Variants in NUP98 observed in about 807,000 individuals in gnomAD.
NUP98 encodes the protein nucleoporin 98 and 96 precursor, also known as nuclear pore complex protein Nup98-Nup96.
A neutral mutation model predicts 191.9 loss-of-function variants in NUP98; 26 were observed. The ratio of observed to expected loss-of-function variants is 0.14; its 90% confidence interval spans 0.10 to 0.19. NUP98 has a LOEUF of 0.19. Among genes scored for constraint, NUP98 ranks in the 10% least tolerant of loss-of-function variants. The pLI, the probability that NUP98 is intolerant of heterozygous loss-of-function variation, is 1.00. For missense variants in NUP98, 1,941 were observed against 2,178.8 expected (o/e 0.89, Z 2.17); for synonymous variants, 808 against 778.4 (o/e 1.04, Z -0.63).
chr11:3,708,790 G>A (rs1045284279), intron 20 of NUP98, among the ~76,000 whole-genome samples: 2 of 151,888 alleles, frequency 1.3e-5, no homozygotes, highest in East Asian at 3.9e-4. Flanking sequence ...CTACTGGGAG[G>A]TCGATGGAAA....
intron 11 of NUP98, among the ~76,000 whole-genome samples, chr11:3,746,345 G>A (rs1162130260): frequency 6.9e-6 from 1 of 144,030 alleles, no homozygotes; most frequent in Non-Finnish European, 1.5e-5. Context: ...TAAACCATTA[G>A]TAATTAACGC....
rs780191581 is a variant in NUP98, at chr11:3,723,355, T to C, written c.1948A>G (p.Ile650Val). 6.2e-7 allele frequency: 1 copy of C among 1,614,092 alleles called. No homozygotes were observed. The highest frequency in any genetic ancestry group is 1.1e-5 in the South Asian group (1 of 91,082). Residue 650 changes from isoleucine (I) to valine (V), a missense_variant, in exon 16 of 33, where the codon ATT becomes GTT. Physicochemically the swap from Ile to Val is conservative, Grantham distance 29. Around this residue, in one of 6 missense-constraint regions of NUP98, gnomAD observed 453 missense variants for 438.2 expected, o/e 1.03. Coordinates refer to ENST00000324932, the MANE Select transcript of NUP98 (RefSeq NM_016320.5). ...CCAGCACTTTCTGGGGTTTGAGGAA[T>C]AGGTTTGGCAATAGGGTTAGTATAA... ...HFYTNPIAKP[I>V]PQTPESAGNK...
chr11:3,721,243 C>G (rs1010827002), intron 16 of NUP98, among the ~76,000 whole-genome samples: 1 of 151,970 alleles, frequency 6.6e-6, no homozygotes, highest in Non-Finnish European at 1.5e-5. Flanking sequence ...ACAAGGATAC[C>G]AAAACCTACA....
chr11:3,715,561 A>T (rs1196976056), intron 18 of NUP98, among the ~76,000 whole-genome samples: 2 of 151,924 alleles, frequency 1.3e-5, no homozygotes, highest in African/African-American at 4.8e-5. Context: ...ATATCTTTGG[A>T]GAAATGTCGA....
chr11:3,722,709 G>A (rs1345462879), intron 16 of NUP98, among the ~76,000 whole-genome samples: 1 of 152,036 alleles, frequency 6.6e-6, no homozygotes, highest in South Asian at 2.1e-4. Flanking sequence ...CCAGCTACTC[G>A]GGTGGCTGAG....
At chr11:3,692,926 C>A in intron 27 of NUP98, 1 of 241,812 alleles carries the variant, frequency 4.1e-6, no homozygotes, top group Non-Finnish European at 7.9e-6. Context: ...AGGCAAATTT[C>A]AGAACTAAGT....
intron 1 of NUP98, among the ~76,000 whole-genome samples, chr11:3,795,882 T>C (rs1265595127): frequency 6.6e-6 from 1 of 152,200 alleles, no homozygotes; most frequent in African/African-American, 2.4e-5. Context: ...TCTGAGTTTA[T>C]GCTTTGTCAT....
intron 11 of NUP98, 125 bp from the exon 12 acceptor site, chr11:3,744,774 G>A: frequency 9.9e-7 from 1 of 1,012,644 alleles, no homozygotes; most frequent in South Asian, 1.8e-5. Flanking sequence ...TCAACAAAGG[G>A]GTGAATACGG....
chr11:3,790,255 A>G (rs562600310), intron 1 of NUP98, among the ~76,000 whole-genome samples: 1 of 152,266 alleles, frequency 6.6e-6, no homozygotes, highest in African/African-American at 2.4e-5. Flanking sequence ...CCCCTTGACT[A>G]ATGATTTTCA....
intron 12 of NUP98, among the ~76,000 whole-genome samples, chr11:3,738,518 C>G (rs1218141816): frequency 1.3e-5 from 2 of 152,106 alleles, no homozygotes; most frequent in African/African-American, 4.8e-5. Context: ...GTGGCTCATG[C>G]CAGTAATCCC....
Position 3,753,350 on chromosome 11 carries a change from A to G in NUP98, c.1233T>C (p.Thr411=). 2 of 1,614,112 alleles carry G rather than the reference A, an allele frequency of 1.2e-6. No individual in the cohort carries two copies. The highest frequency in any genetic ancestry group is 1.7e-6 in the Non-Finnish European group (2 of 1,179,982). Residue 411 remains threonine (T), a synonymous_variant, in exon 11 of 33, where the codon ACT becomes ACC. Coordinates refer to ENST00000324932, the MANE Select transcript of NUP98 (RefSeq NM_016320.5). ...SIFGSKPAPG[T]LGTGLGAGFG... is the part of the protein sequence containing the mutation. ...ATCCTGCACCAAGCCCAGTTCCAAGAGTCCCAGGTGCTGGTTTACTTCCAA... is the reference window on the plus strand; with the variant it reads ...ATCCTGCACCAAGCCCAGTTCCAAGGGTCCCAGGTGCTGGTTTACTTCCAA...
chr11:3,714,787 T>G (rs2079124764), intron 18 of NUP98: 1 of 152,854 alleles, frequency 6.5e-6, no homozygotes, highest in Admixed American at 6.5e-5. Flanking sequence ...TATGGAATGC[T>G]TCATGTATTT....
intron 10 of NUP98, among the ~76,000 whole-genome samples, 153 bp from the exon 11 acceptor site, chr11:3,753,561 A>T (rs1433687868): frequency 2.0e-5 from 3 of 151,822 alleles, no homozygotes; most frequent in African/African-American, 7.3e-5. Flanking sequence ...TAAAAAAAAA[A>T]TTTCACATAT....
intron 5 of NUP98, among the ~76,000 whole-genome samples, chr11:3,774,086 G>A (rs556507887): frequency 1.3e-5 from 2 of 151,974 alleles, no homozygotes; most frequent in African/African-American, 2.4e-5. Flanking sequence ...TTTCTACTCC[G>A]CCCTGTAATG....
At chr11:3,688,826 T>TATATATATATATTTAAATATAC (rs1564806950) in intron 28 of NUP98, among the ~76,000 whole-genome samples, 2 of 138,318 alleles carry the variant, frequency 1.4e-5, no homozygotes, top group African/African-American at 6.1e-5. Context: ...TATACATATA[T>TATATATATATATTTAAATATAC]ATATATATAT....
In NUP98 at chr11:3,706,558, G is replaced by A; in HGVS notation, c.2812C>T (p.Gln938Ter). Residue 938 changes from glutamine to a stop codon, truncating the protein, a stop_gained, in exon 21 of 33, where the codon CAG (glutamine) becomes TAG (stop). Coordinates refer to ENST00000324932, the MANE Select transcript of NUP98 (RefSeq NM_016320.5). LOFTEE classifies it high-confidence loss of function. ...ELDSDMVDITQEPVLDTMLEE... is the reference protein window; with the variant it reads ...ELDSDMVDIT ...AACATGGTATCCAAAACTGGCTCCT[G>A]GGTGATATCTACCATGTCACTGTCC... 6.2e-7 allele frequency: 1 copy of A among 1,614,084 alleles called. No homozygotes were observed. Among genetic ancestry groups the A allele is most frequent in the Non-Finnish European group, 8.5e-7 (1 of 1,180,000 alleles).
At chr11:3,755,559 T>C (rs1429685895) in intron 10 of NUP98, among the ~76,000 whole-genome samples, 2 of 152,150 alleles carry the variant, frequency 1.3e-5, no homozygotes, top group East Asian at 1.9e-4. Flanking sequence ...GTATCACTAA[T>C]ATTATACTTT....
chr11:3,722,549 G>T (rs2079443939), intron 16 of NUP98, among the ~76,000 whole-genome samples: 2 of 152,056 alleles, frequency 1.3e-5, no homozygotes, highest in South Asian at 4.1e-4. Context: ...AAAATGGGCT[G>T]GGCATGGTGG....
intron 7 of NUP98, among the ~76,000 whole-genome samples, chr11:3,770,178 C>G (rs1259026848): frequency 6.6e-6 from 1 of 151,656 alleles, no homozygotes. Context: ...AACCCCAACT[C>G]TATTAAAAAT....
Sources: allele counts gnomAD v4.1 joint callset (sites outside exome capture counted in the v4.1 genomes callset), GRCh38; gene constraint gnomAD v4.1.1; regional missense constraint gnomAD v4.1.1; transcripts MANE v1.5; gene names NCBI Gene and HGNC (gene_info 2026-07-23, HGNC 2026-07-21).